RYR2: variants seen among roughly 807,000 people sequenced by gnomAD.
RYR2 encodes the protein ryanodine receptor 2.
Under a neutral mutation model 601.1 loss-of-function variants are expected in RYR2, and 227 were observed. The observed-to-expected ratio is 0.38, with a 90% confidence interval of 0.34 to 0.42. The LOEUF is 0.42. RYR2 is among the 10% of genes least tolerant of loss of function. RYR2 has a pLI of 1.00. For missense variants in RYR2, 4,646 were observed against 6,156.5 expected (o/e 0.75, Z 8.21); for synonymous variants, 2,223 against 2,175.1 (o/e 1.02, Z -0.61).
chr1:237,677,626 T>C (rs1231323792), intron 60 of RYR2, among the ~76,000 whole-genome samples: 2 of 152,178 alleles, frequency 1.3e-5, no homozygotes, highest in Non-Finnish European at 2.9e-5. Context: ...AGAGGCAATC[T>C]TTATTATTAG....
intron 24 of RYR2, among the ~76,000 whole-genome samples, chr1:237,525,452 GTTTGTTT>G (rs147243094): frequency 0.35 from 52,995 of 151,028 alleles, 10,491 homozygotes; most frequent in East Asian, 0.55. Context: ...TTTTTTGTTT[GTTTGTTT>G]TTTGTTTTTT....
intron 56 of RYR2, among the ~76,000 whole-genome samples, chr1:237,665,352 T>C (rs558244440): frequency 7.0e-6 from 1 of 143,550 alleles, no homozygotes; most frequent in East Asian, 2.1e-4. Flanking sequence ...CGAGTCAAGA[T>C]CGTGCCACTG....
chr1:237,428,396 A>C (rs1238607106), intron 12 of RYR2, among the ~76,000 whole-genome samples: 1 of 152,214 alleles, frequency 6.6e-6, no homozygotes, highest in Non-Finnish European at 1.5e-5. Context: ...TGGTACATAC[A>C]CCATGGAACA....
chr1:237,594,368 G>T (rs1412549563), intron 33 of RYR2, among the ~76,000 whole-genome samples: 3 of 152,064 alleles, frequency 2.0e-5, no homozygotes, highest in Non-Finnish European at 4.4e-5. Flanking sequence ...CATTTTTTGG[G>T]AAACTCACTT....
At chr1:237,795,877 C>T (rs1192970077) in intron 96 of RYR2, among the ~76,000 whole-genome samples, 245 of 96,498 alleles carry the variant, frequency 2.5e-3, no homozygotes, top group African/African-American at 7.6e-3. Context: ...TATATATACA[C>T]ATATATATAT....
At chr1:237,318,943 C>T (rs1695359749) in intron 2 of RYR2, among the ~76,000 whole-genome samples, 1 of 152,082 alleles carries the variant, frequency 6.6e-6, no homozygotes, top group Non-Finnish European at 1.5e-5. Flanking sequence ...ACTCCCATTA[C>T]ACGTATATTG....
intron 23 of RYR2, among the ~76,000 whole-genome samples, chr1:237,507,583 G>A (rs912301518): frequency 4.6e-5 from 7 of 152,144 alleles, no homozygotes; most frequent in African/African-American, 1.7e-4. Flanking sequence ...AACGTTAGTA[G>A]TAGTATCATG....
intron 1 of RYR2, among the ~76,000 whole-genome samples, chr1:237,193,149 C>A (rs1407502209): frequency 1.4e-4 from 2 of 14,770 alleles, no homozygotes; most frequent in East Asian, 5.9e-3. Flanking sequence ...GGTGAAACCT[C>A]CGTCTCTGCT....
chr1:237,671,208 A>G (rs953506076), intron 58 of RYR2, among the ~76,000 whole-genome samples: 1 of 152,232 alleles, frequency 6.6e-6, no homozygotes, highest in Non-Finnish European at 1.5e-5. Context: ...ATGGCAGACC[A>G]GTAGGAAACG....
chr1:237,566,490 T>A, intron 27 of RYR2, 77 bp from the exon 28 acceptor site: 1 of 1,382,802 alleles, frequency 7.2e-7, no homozygotes, highest in Non-Finnish European at 9.9e-7. Flanking sequence ...TATCTTTCCT[T>A]CTTTTATTTA....
chr1:237,598,313 A>G (rs1201725896), intron 34 of RYR2, among the ~76,000 whole-genome samples: 1 of 152,242 alleles, frequency 6.6e-6, no homozygotes, highest in African/African-American at 2.4e-5. Flanking sequence ...CCAAAGGGAC[A>G]TACTAGACAT....
chr1:237,372,677 G>T lies in RYR2; in HGVS notation c.385-2040G>T, dbSNP rs142682260. 1.3e-3 allele frequency among the ~76,000 whole-genome samples: 197 copies of T among 152,234 alleles called. 2 individuals carry two copies. The highest frequency in any genetic ancestry group is 2.1e-3 in the Non-Finnish European group (146 of 67,998). On this transcript the variant is annotated intron_variant, in intron 6 of 104. Transcript: ENST00000366574. ...AACTGCATGAGCTAATAAATGTGAG[G>T]GTTTCTTTTAAGACAACTACTCTCT...
intron 101 of RYR2, among the ~76,000 whole-genome samples, chr1:237,824,810 G>A (rs1662912300): frequency 6.6e-6 from 1 of 152,120 alleles, no homozygotes. Context: ...ATACTGATAA[G>A]CAACTTCAGC....
chr1:237,751,404 T>C (rs747013313), intron 80 of RYR2, among the ~76,000 whole-genome samples: 1 of 152,252 alleles, frequency 6.6e-6, no homozygotes, highest in Non-Finnish European at 1.5e-5. Flanking sequence ...TTTCTCATTC[T>C]TTTCTTTCCT....
chr1:237,705,349 A>T lies in RYR2; in HGVS notation c.9580+6A>T. ...GTCTTCACGAGAAAGAGCAGGTAAC[A>T]CAGAAACATGTGCAGTGCTTTGAGA... On this transcript the variant is annotated splice_donor_region_variant and intron_variant, in intron 67 of 104. Coordinates refer to ENST00000366574, the MANE Select transcript of RYR2 (RefSeq NM_001035.3). 6.2e-7 allele frequency: 1 copy of T among 1,601,068 alleles called. No homozygotes were observed.
In RYR2 at chr1:237,136,192, G is replaced by A. The variant is rs866241610; in HGVS notation, c.48+93623G>A. Among the ~76,000 whole-genome samples the A allele has an allele frequency of 5.9e-5, 9 of 152,322 alleles. 1 individual carries two copies. The highest frequency in any genetic ancestry group is 2.0e-4 in the Admixed American group (3 of 15,296). On this transcript the variant is annotated intron_variant, in intron 1 of 104. Coordinates refer to ENST00000366574, the MANE Select transcript of RYR2 (RefSeq NM_001035.3). The stretch of plus-strand genomic sequence containing the variant: ...ATGCTGTTTGATGCAGTGATAAAGC[G>A]GAAACATTGCTCTGCTACCTGCCCA...
At chr1:237,159,295 A>AAAT (rs756404279) in intron 1 of RYR2, among the ~76,000 whole-genome samples, 6 of 152,064 alleles carry the variant, frequency 3.9e-5, no homozygotes, top group African/African-American at 1.4e-4. Flanking sequence ...CCATCTCAAA[A>AAAT]AATAATAATA....
Position 237,772,153 on chromosome 1 carries a change from A to G in RYR2, c.11646+53A>G, listed in dbSNP as rs531313842. ...ATTAAAAGGGTTGGTATGTTGAAAC[A>G]ATACGGCAGAGTTTTAATGTGTTTT... On this transcript the variant is annotated intron_variant, in intron 86 of 104. Coordinates refer to ENST00000366574, the MANE Select transcript of RYR2 (RefSeq NM_001035.3). The G allele has an allele frequency of 8.4e-6, 8 of 953,062 alleles. No individual in the cohort carries two copies. The African/African-American group carries it at 1.1e-4, about 14-fold the overall frequency. 59.0% of individuals were successfully genotyped at this position (953,062 alleles called of 1,614,324 possible).
At chr1:237,281,426 A>ATT (rs10678766) in intron 2 of RYR2, among the ~76,000 whole-genome samples, 20,620 of 152,096 alleles carry the variant, frequency 0.14, 2,418 homozygotes, top group African/African-American at 0.32. Context: ...AAACTTAGGA[A>ATT]AACACTGATG....
Sources: gnomAD v4.1 joint callset for allele counts (sites outside exome capture counted in the v4.1 genomes callset) on GRCh38, gnomAD v4.1.1 for gene constraint, MANE v1.5 for transcripts, NCBI Gene and HGNC (gene_info 2026-07-23, HGNC 2026-07-21) for gene names.